The following MYH9 variants were observed in gnomAD, a reference collection of about 807,000 sequenced individuals.
MYH9 encodes myosin-9.
Under a neutral mutation model 241.9 loss-of-function variants are expected in MYH9, and 29 were observed. The observed-to-expected ratio is 0.12, with a 90% CI of 0.09 to 0.16. MYH9 has a LOEUF of 0.16. Among genes scored for constraint, MYH9 ranks in the 10% least tolerant of loss-of-function variants. The pLI, the probability that MYH9 is intolerant of heterozygous loss-of-function variation, is 1.00. For missense variants in MYH9, 1,803 were observed against 2,595.5 expected (o/e 0.69, Z 6.63); for synonymous variants, 1,047 against 1,062.6 (o/e 0.99, Z 0.29).
intron 1 of MYH9, among the ~76,000 whole-genome samples, chr22:36,383,547 A>C (rs2018290509): frequency 6.6e-6 from 1 of 152,114 alleles, no homozygotes; most frequent in Non-Finnish European, 1.5e-5. Context: ...TGTTGTGCAC[A>C]GAGGCAGAAA....
intron 1 of MYH9, among the ~76,000 whole-genome samples, chr22:36,357,957 C>T (rs1003498975): frequency 3.3e-5 from 5 of 152,214 alleles, no homozygotes; most frequent in African/African-American, 1.2e-4. Context: ...ACCTCCAACA[C>T]GGCAGCTCAG....
chr22:36,300,006 A>G lies in MYH9; in HGVS notation c.2976+121T>C. On this transcript the variant is annotated intron_variant, in intron 23 of 40. Transcript: ENST00000216181. The surrounding 1 kb of genome is among the most constrained non-coding windows in gnomAD (Gnocchi z 5.0). ...CACTTGCAGTTAAGCAGAAGCCCTC[A>G]TGCTGCAGGCAGAAGAGACAGGAAG... 4 of 1,411,330 alleles carry G rather than the reference A, an allele frequency of 2.8e-6. No homozygotes were observed. The highest frequency in any genetic ancestry group is 4.0e-6 in the Non-Finnish European group (4 of 1,011,924). 87.4% of individuals were successfully genotyped at this position (1,411,330 alleles called of 1,614,324 possible).
At chr22:36,283,773 C>G (rs2016532630) in intron 40 of MYH9, among the ~76,000 whole-genome samples, 1 of 152,222 alleles carries the variant, frequency 6.6e-6, no homozygotes, top group Non-Finnish European at 1.5e-5. Flanking sequence ...AGGCATTGCT[C>G]ATGAGGCTCA....
At position 36,293,462 on chromosome 22, in the gene MYH9, T is replaced by C. The variant is rs2016738377; in HGVS notation, c.3962A>G (p.Asn1321Ser). 2.5e-6 allele frequency: 4 copies of C among 1,613,556 alleles called. No homozygotes were observed. The highest frequency in any genetic ancestry group is 2.2e-5 in the South Asian group (2 of 91,084). Residue 1321 changes from asparagine to serine, a missense_variant, in exon 30 of 41, where the codon AAC becomes AGC. By Grantham distance (46) the Asn-to-Ser change is conservative (BLOSUM62 1). Around this residue, in one of 11 missense-constraint regions of MYH9, gnomAD observed 876 missense variants for 1,077.8 expected, o/e 0.81. Transcript: ENST00000216181. The surrounding 1 kb of genome is among the most constrained non-coding windows in gnomAD (Gnocchi z 5.1). ...GGTGCTCAGGCTCAGCTTCTGCCGG[T>C]TCTCCTCCTGCAGCAGCTCCTACTC... ...QDTQELLQEE[N>S]RQKLSLSTKL... is the part of the protein sequence containing the mutation.
rs1255334194 is a variant in MYH9, at chr22:36,285,855, C to A, written c.5150+10G>T. The stretch of plus-strand genomic sequence containing the variant: ...GGTCCCCCCCAACTCTGCCCCCTCA[C>A]TCAGCTCACCCTTTGCCGCTGCTGT... On this transcript the variant is annotated intron_variant, in intron 36 of 40. Transcript: ENST00000216181. This position sits in a 1 kb window ranked among gnomAD's most constrained non-coding sequence, Gnocchi z 7.0. 1.2e-6 allele frequency: 2 copies of A among 1,613,726 alleles called. No individual in the cohort carries two copies. The highest frequency in any genetic ancestry group is 1.7e-6 in the Non-Finnish European group (2 of 1,180,012).
At chr22:36,286,076 TC>T in intron 35 of MYH9, 123 bp from the exon 36 acceptor site, 1 of 999,626 alleles carries the variant, frequency 1.0e-6, no homozygotes, top group Non-Finnish European at 1.5e-6. Context: ...AAGCCCTTCC[TC>T]CAGAAACCCT....
chr22:36,340,662 CAAAAA>C (rs59035920), intron 3 of MYH9, among the ~76,000 whole-genome samples: 1 of 98,974 alleles, frequency 1.0e-5, no homozygotes. Context: ...GATTCCGTCT[CAAAAA>C]AAAAAAAAAA....
At chr22:36,299,330 C>T (rs1224577059) in intron 23 of MYH9, among the ~76,000 whole-genome samples, 1 of 152,206 alleles carries the variant, frequency 6.6e-6, no homozygotes, top group Non-Finnish European at 1.5e-5. Context: ...CTAGTGTCAG[C>T]AGGGACAGAT....
rs902386529 is a variant in MYH9, at chr22:36,330,337, C to T, written c.491-2849G>A. Among the ~76,000 whole-genome samples, 3 of 152,250 alleles carry T rather than the reference C, an allele frequency of 2.0e-5. No individual in the cohort carries two copies. The highest frequency in any genetic ancestry group is 1.9e-4 in the East Asian group (1 of 5,198). ...GCACTGCTTAGTATCCTAAATCCAC[C>T]GGCCGGATGCACCACGAATCGTACC... On this transcript the variant is annotated intron_variant, in intron 3 of 40. Coordinates refer to ENST00000216181, the MANE Select transcript of MYH9 (RefSeq NM_002473.6). This position sits in a 1 kb window ranked among gnomAD's most constrained non-coding sequence, Gnocchi z 4.5.
intron 15 of MYH9, among the ~76,000 whole-genome samples, chr22:36,308,400 G>A (rs2146350696): frequency 6.6e-6 from 1 of 151,872 alleles, no homozygotes; most frequent in South Asian, 2.1e-4. Flanking sequence ...GAGCAGCTGG[G>A]ACTACAGGCA....
At chr22:36,366,105 T>C (rs567919347) in intron 1 of MYH9, among the ~76,000 whole-genome samples, 60 of 152,178 alleles carry the variant, frequency 3.9e-4, no homozygotes, top group African/African-American at 1.3e-3. Context: ...AAAGAATCAC[T>C]TGAACCTGGG....
rs533935135 is a variant in MYH9 at position 36,312,187 on chromosome 22, C to T, written c.1590G>A (p.Glu530=). Residue 530 remains glutamate, a synonymous_variant, in exon 14 of 41, where the codon GAG becomes GAA. Coordinates refer to ENST00000216181, the MANE Select transcript of MYH9 (RefSeq NM_002473.6). ...GPPGILALLD[E]ECWFPKATDK... is the part of the protein sequence containing the mutation. Reference sequence around the variant, plus strand: ...CGGTGGCTTTGGGGAACCAGCACTCCTCGTCCAGCAGGGCCAGAATGCCCG... The same window carrying T: ...CGGTGGCTTTGGGGAACCAGCACTCTTCGTCCAGCAGGGCCAGAATGCCCG... 8.1e-6 allele frequency: 13 copies of T among 1,614,172 alleles called. No individual in the cohort carries two copies. The highest frequency in any genetic ancestry group is 8.0e-5 in the African/African-American group (6 of 75,038).
At chr22:36,311,911 G>A in intron 14 of MYH9, 138 bp downstream of exon 14, 1 of 960,496 alleles carries the variant, frequency 1.0e-6, no homozygotes, top group Non-Finnish European at 1.6e-6. Context: ...CACATTACTG[G>A]GTGAGTCATT....
rs1297069217 is a variant in MYH9 at position 36,295,795 on chromosome 22, G to A, written c.3273-78C>T. On this transcript the variant is annotated intron_variant, in intron 25 of 40. Coordinates refer to ENST00000216181, the MANE Select transcript of MYH9 (RefSeq NM_002473.6). The surrounding 1 kb of genome is among the most constrained non-coding windows in gnomAD (Gnocchi z 4.1). ...CAGAGTTTGCAGGACAGGCCTGAGA[G>A]AGCTGCAGCAGCCAAAGCTGCCTCC... 1.4e-6 allele frequency: 2 copies of A among 1,384,378 alleles called. No individual in the cohort carries two copies. Among genetic ancestry groups the A allele is most frequent in the Admixed American group, 1.9e-5 (1 of 52,256 alleles). 85.8% of individuals were successfully genotyped at this position (1,384,378 alleles called of 1,614,324 possible).
chr22:36,285,239 C>T lies in MYH9; in HGVS notation c.5365G>A (p.Glu1789Lys). 1 of 1,614,190 alleles carries T rather than the reference C, an allele frequency of 6.2e-7. No homozygotes were observed. Among genetic ancestry groups the T allele is most frequent in the Non-Finnish European group, 8.5e-7 (1 of 1,180,026 alleles). The stretch of plus-strand genomic sequence containing the variant: ...ATCTCCTGCAGCTTGACCTTAAGCT[C>T]CTTGTTCTGGCGTTCCAGCTGCTGC... ...ARQQLERQNK[E>K]LKVKLQEMEG... The change falls in exon 38 of 41, where the codon GAG becomes AAG. Residue 1789 changes from glutamate to lysine, a missense_variant. By Grantham distance (56) the Glu-to-Lys change is moderately conservative. This residue lies in a region of MYH9 where 876 missense variants were observed against 1,077.8 expected (regional missense o/e 0.81). Coordinates refer to ENST00000216181, the MANE Select transcript of MYH9 (RefSeq NM_002473.6). This position sits in a 1 kb window ranked among gnomAD's most constrained non-coding sequence, Gnocchi z 7.0.
At chr22:36,287,446 T>C (rs1418451725) in intron 34 of MYH9, among the ~76,000 whole-genome samples, 1 of 152,128 alleles carries the variant, frequency 6.6e-6, no homozygotes, top group Non-Finnish European at 1.5e-5. Flanking sequence ...TTTTTTACAC[T>C]TAACATTTTT....
At chr22:36,292,481 G>A (rs1412155515) in intron 30 of MYH9, among the ~76,000 whole-genome samples, 1 of 152,116 alleles carries the variant, frequency 6.6e-6, no homozygotes, top group Non-Finnish European at 1.5e-5. Context: ...CCCGCTGTGG[G>A]GGCTCCCAGC....
At chr22:36,316,330 A>G (rs1257008221) in intron 12 of MYH9, among the ~76,000 whole-genome samples, 187 bp downstream of exon 12, 2 of 150,076 alleles carry the variant, frequency 1.3e-5, no homozygotes, top group African/African-American at 2.4e-5. Context: ...TACCGTGCCC[A>G]GCCGAGACCC....
intron 24 of MYH9, chr22:36,297,359 A>G: frequency 3.6e-6 from 1 of 280,946 alleles, no homozygotes; most frequent in Non-Finnish European, 6.9e-6. Context: ...GAACTTATAT[A>G]ATGGAACTGC....
Sources: gnomAD v4.1 joint callset for allele counts (sites outside exome capture counted in the v4.1 genomes callset) on GRCh38, gnomAD v4.1.1 for gene constraint, gnomAD v4.1.1 regional missense constraint, Gnocchi (gnomAD v3.1) non-coding constraint, MANE v1.5 for transcripts, NCBI Gene and HGNC (gene_info 2026-07-23, HGNC 2026-07-21) for gene names.